NECAB3: variants seen among roughly 807,000 people sequenced by gnomAD.
NECAB3 encodes N-terminal EF-hand calcium binding protein 3.
In NECAB3, 38 loss-of-function variants were observed where a neutral mutation model predicts 57.2. The ratio of observed to expected loss-of-function variants is 0.66; its 90% CI spans 0.51 to 0.87. The LOEUF is 0.87. NECAB3 is among the 40% of genes least tolerant of loss of function. The pLI is 0.00. For missense variants in NECAB3, 474 were observed against 527.5 expected, an observed-to-expected ratio of 0.90 and a Z score of 0.99; for synonymous variants, 223 against 222.6, an observed-to-expected ratio of 1.00 and a Z score of -0.02.
At chr20:33,674,561 G>A, upstream of NECAB3, 1 of 308,300 alleles carries the variant, frequency 3.2e-6, no homozygotes, top group African/African-American at 2.2e-5. Flanking sequence ...GGCCACGGCG[G>A]AGGGGGAGGC....
chr20:33,669,042 A>C (rs2017766806), intron 5 of NECAB3: 1 of 301,576 alleles, frequency 3.3e-6, no homozygotes, highest in African/African-American at 2.2e-5. Context: ...GTGATGGGCC[A>C]GCAACTAAAG....
Position 33,668,109 on chromosome 20 carries a change from G to A in NECAB3, c.387+1266C>T, listed in dbSNP as rs770457567. 10 of 1,608,636 alleles carry A rather than the reference G, an allele frequency of 6.2e-6. No individual in the cohort carries two copies. In the Admixed American group the frequency reaches 1.7e-4, roughly 27 times the overall value. ...GGCCCCACCTGGTGGCCAAGCATGG[G>A]CGTGGCATGGCTGTGTGGACCGGCG... On this transcript the variant is annotated intron_variant, in intron 5 of 11. Coordinates refer to ENST00000246190, the MANE Select transcript of NECAB3 (RefSeq NM_031232.4).
intron 5 of NECAB3, chr20:33,668,041 G>A: frequency 6.4e-7 from 1 of 1,553,182 alleles, no homozygotes; most frequent in Non-Finnish European, 8.7e-7. Flanking sequence ...CCTGGACAAG[G>A]AGCTGGAGGC....
At chr20:33,672,061 T>G in intron 2 of NECAB3, 1 of 389,180 alleles carries the variant, frequency 2.6e-6, no homozygotes, top group Non-Finnish European at 4.8e-6. Flanking sequence ...GGCCCTCTGC[T>G]CCTTTATGAA....
intron 7 of NECAB3, 34 bp from the exon 8 acceptor site, chr20:33,659,766 G>C (rs906334339): frequency 2.6e-6 from 4 of 1,551,766 alleles, no homozygotes; most frequent in Non-Finnish European, 3.5e-6. Context: ...TCAGGCAGGG[G>C]CCTCTCAGGT....
At chr20:33,670,441 G>T in intron 3 of NECAB3, 1 of 426,426 alleles carries the variant, frequency 2.3e-6, no homozygotes, top group Non-Finnish European at 4.2e-6. Context: ...GCGGGAATGG[G>T]GAGCTGAGCC....
chr20:33,658,076 C>T (rs746579101), intron 10 of NECAB3, 43 bp from the exon 11 acceptor site: 22 of 1,513,280 alleles, frequency 1.5e-5, no homozygotes, highest in Middle Eastern at 2.1e-4. Flanking sequence ...TCCCCACTCC[C>T]GCCCCATCCT....
intron 10 of NECAB3, 139 bp from the exon 11 acceptor site, chr20:33,658,172 G>A: frequency 2.6e-6 from 2 of 756,188 alleles, no homozygotes; most frequent in South Asian, 3.5e-5. Flanking sequence ...CTGTGTGGGT[G>A]GAATGAAGGG....
At chr20:33,672,260 CTTGA>C in intron 2 of NECAB3, 134 bp downstream of exon 2, 1 of 1,020,258 alleles carries the variant, frequency 9.8e-7, no homozygotes, top group Admixed American at 1.8e-5. Context: ...TGGGAAGTGC[CTTGA>C]TTGATTCTCC....
chr20:33,670,529 G>C (rs148203621), intron 3 of NECAB3, 155 bp downstream of exon 3: 191 of 551,804 alleles, frequency 3.5e-4, no homozygotes, highest in African/African-American at 3.4e-3. Context: ...AGCTGGAGAG[G>C]GGGTAGGCAG....
intron 5 of NECAB3, chr20:33,662,196 T>C: frequency 9.8e-7 from 1 of 1,020,652 alleles, no homozygotes; most frequent in South Asian, 1.7e-5. Context: ...AGTGACTGAG[T>C]GGAGCCCAGA....
Position 33,668,287 on chromosome 20 carries a change from TA to T in NECAB3, c.387+1087del, listed in dbSNP as rs773240913. ...CTGCGTTGGGGGACAGCTCTCTATC[TA>T]AAGAGTCAAGTGTTTGGAGCTGGCA... On this transcript the variant is annotated intron_variant, in intron 5 of 11. Coordinates refer to ENST00000246190, the MANE Select transcript of NECAB3 (RefSeq NM_031232.4). 2.6e-6 allele frequency: 4 copies of T among 1,533,754 alleles called. No individual in the cohort carries two copies. In the South Asian group the frequency reaches 5.0e-5, roughly 19 times the overall value.
chr20:33,674,659 G>T (rs2017916974), upstream of NECAB3: 1 of 156,388 alleles, frequency 6.4e-6, no homozygotes, highest in Non-Finnish European at 1.4e-5. Context: ...GACCAAGCCA[G>T]TGCCGAGGTC....
At position 33,659,630 on chromosome 20, in the gene NECAB3, G is replaced by C. The variant is rs1490404010; in HGVS notation, c.746C>G (p.Pro249Arg). ...ATACCAGGAGGGTCCTCCCTTGTGG[G>C]GCCCTGGCCCCACGGCCCTCACCTT... ...ECKVRAVGPG[P>R]HKGGPSWYPP... The change falls in exon 8 of 12, where the codon CCC becomes CGC. Residue 249 changes from proline (P) to arginine (R), a missense_variant. Pro to Arg is a moderately radical substitution (Grantham distance 103). Transcript: ENST00000246190. The C allele has an allele frequency of 1.9e-6, 3 of 1,610,438 alleles. No homozygotes were observed. In the South Asian group the frequency reaches 3.3e-5, roughly 18 times the overall value.
chr20:33,672,456 G>A, intron 1 of NECAB3, 34 bp from the exon 2 acceptor site: 1 of 1,613,780 alleles, frequency 6.2e-7, no homozygotes, highest in Non-Finnish European at 8.5e-7. Flanking sequence ...AGAACTGTGA[G>A]TGCCACCTGG....
intron 5 of NECAB3, chr20:33,662,313 GGGCCATCGTCCC>G: frequency 6.5e-7 from 1 of 1,549,442 alleles, no homozygotes; most frequent in African/African-American, 1.4e-5. Context: ...GACGGAGTGT[GGGCCATCGTCCC>G]CAGTGGTGAC....
Position 33,658,498 on chromosome 20 carries a change from T to C in NECAB3, c.1049A>G (p.Gln350Arg). 1 of 1,614,090 alleles carries C rather than the reference T, an allele frequency of 6.2e-7. No homozygotes were observed. Among genetic ancestry groups the C allele is most frequent in the East Asian group, 2.2e-5 (1 of 44,868 alleles). The stretch of plus-strand genomic sequence containing the variant: ...ATACCTTCTCCAGGAGGCCTCATCC[T>C]GCCAGAACTCATACAGGGTGAAGGA... ...GASFTLYEFW[Q>R]DEASWRRHQQ... Residue 350 changes from glutamine to arginine, a missense_variant, in exon 10 of 12, where the codon CAG becomes CGG. Gln to Arg is a conservative substitution (Grantham distance 43, BLOSUM62 1). Coordinates refer to ENST00000246190, the MANE Select transcript of NECAB3 (RefSeq NM_031232.4).
chr20:33,668,192 A>G (rs753918376), intron 5 of NECAB3: 1 of 1,608,744 alleles, frequency 6.2e-7, no homozygotes, highest in Non-Finnish European at 8.5e-7. Context: ...CGGGCCATGT[A>G]CCAGGAGTGT....
At chr20:33,669,783 A>C (rs1337931937) in intron 3 of NECAB3, 71 bp from the exon 4 acceptor site, 17 of 1,477,242 alleles carry the variant, frequency 1.2e-5, no homozygotes, top group Non-Finnish European at 1.4e-5. Context: ...CCAATGCCCC[A>C]CATCCCACCC....
Sources: gnomAD v4.1 joint callset for allele counts on GRCh38, gnomAD v4.1.1 for gene constraint, MANE v1.5 for transcripts, NCBI Gene and HGNC (gene_info 2026-07-23, HGNC 2026-07-21) for gene names.